The following POLA2 variants were observed in gnomAD, a reference collection of about 807,000 sequenced individuals.
POLA2 encodes DNA polymerase alpha 2, accessory subunit.
A neutral mutation model predicts 82.8 loss-of-function variants in POLA2; 47 were observed. The ratio of observed to expected loss-of-function variants is 0.57; its 90% CI spans 0.45 to 0.72. The LOEUF is 0.72. POLA2 is among the 30% of genes least tolerant of loss of function. The pLI is 0.00. For missense variants in POLA2, 634 were observed against 728.1 expected (o/e 0.87, Z 1.49); for synonymous variants, 287 against 286.8 (o/e 1.00, Z -0.01).
intron 1 of POLA2, among the ~76,000 whole-genome samples, chr11:65,263,765 T>G (rs1420560875): frequency 6.7e-6 from 1 of 149,152 alleles, no homozygotes; most frequent in African/African-American, 2.5e-5. Flanking sequence ...AGGCAGAGGT[T>G]GTGGTGAGCC....
At chr11:65,303,567 G>A (rs767639048), downstream of POLA2, among the ~76,000 whole-genome samples, 11 of 152,132 alleles carry the variant, frequency 7.2e-5, no homozygotes, top group East Asian at 9.7e-4. Context: ...ATATACAAAT[G>A]TTTATATGTC....
intron 13 of POLA2, among the ~76,000 whole-genome samples, chr11:65,291,113 G>T (rs73484979): frequency 9.6e-4 from 146 of 152,328 alleles, no homozygotes; most frequent in African/African-American, 3.4e-3. Context: ...CTCCATTCCT[G>T]TCCCTTTTCC....
intron 9 of POLA2, among the ~76,000 whole-genome samples, 164 bp from the exon 10 acceptor site, chr11:65,282,315 G>A (rs1949649752): frequency 1.3e-5 from 2 of 152,094 alleles, no homozygotes; most frequent in African/African-American, 4.8e-5. Flanking sequence ...GGTCCCATCA[G>A]ATCCAGGGAG....
chr11:65,269,242 GGAGGCT>G (rs1314683560), intron 4 of POLA2, among the ~76,000 whole-genome samples: 1 of 152,142 alleles, frequency 6.6e-6, no homozygotes, highest in African/African-American at 2.4e-5. Flanking sequence ...CAGCACTTTG[GGAGGCT>G]GAGGCAGGCG....
At chr11:65,268,357 A>ATT (rs905358336) in intron 3 of POLA2, among the ~76,000 whole-genome samples, 1 of 142,454 alleles carries the variant, frequency 7.0e-6, no homozygotes, top group Admixed American at 7.0e-5. Context: ...TATTATTATT[A>ATT]TTTTTTTTTT....
Position 65,295,525 on chromosome 11 carries a change from T to C in POLA2, c.1461-15T>C. The C allele has an allele frequency of 1.2e-6, 2 of 1,611,064 alleles. No homozygotes were observed. The highest frequency in any genetic ancestry group is 1.7e-6 in the Non-Finnish European group (2 of 1,177,292). ...AAAACAGAGTTCTGTTTTCATGCTT[T>C]CTTTTCTTTCCCAGTTCTTCCGGAA... On this transcript the variant is annotated splice_polypyrimidine_tract_variant and intron_variant, in intron 15 of 17. Transcript: ENST00000265465.
At chr11:65,294,680 A>G (rs754568845) in intron 15 of POLA2, 28 bp downstream of exon 15, 6 of 1,469,624 alleles carry the variant, frequency 4.1e-6, no homozygotes, top group African/African-American at 1.4e-5. Flanking sequence ...GGCCCCAAGC[A>G]GGATGACTGG....
At chr11:65,282,330 A>G in intron 9 of POLA2, 149 bp from the exon 10 acceptor site, 1 of 681,538 alleles carries the variant, frequency 1.5e-6, no homozygotes, top group Admixed American at 2.3e-5. Flanking sequence ...AGGGAGCAAG[A>G]CAGAGGCACA....
chr11:65,303,732 G>A (rs1565500274), intron 8 of POLA2, among the ~76,000 whole-genome samples: 1 of 152,074 alleles, frequency 6.6e-6, no homozygotes, highest in Non-Finnish European at 1.5e-5. Flanking sequence ...CACATAGTAG[G>A]CCCACAAAGA....
intron 3 of POLA2, 79 bp from the exon 4 acceptor site, chr11:65,268,593 C>CG: frequency 1.2e-6 from 1 of 833,652 alleles, no homozygotes; most frequent in Non-Finnish European, 2.0e-6. Flanking sequence ...CCGCCCATCT[C>CG]GGCCTCCCAA....
intron 8 of POLA2, chr11:65,305,255 G>A (rs1949880895): frequency 4.8e-6 from 2 of 417,164 alleles, no homozygotes; most frequent in Admixed American, 5.5e-5. Context: ...AAATTCTGCA[G>A]TTCATTCACC....
At chr11:65,279,495 AAT>A (rs1178132317) in intron 6 of POLA2, 41 bp from the exon 7 acceptor site, 12 of 1,282,490 alleles carry the variant, frequency 9.4e-6, no homozygotes, top group Non-Finnish European at 1.2e-5. Context: ...TGGCAAGTGA[AAT>A]GTCTTAAACA....
intron 10 of POLA2, among the ~76,000 whole-genome samples, chr11:65,286,113 T>C (rs1949694988): frequency 6.6e-6 from 1 of 152,182 alleles, no homozygotes; most frequent in African/African-American, 2.4e-5. Flanking sequence ...AGGGTCCTTA[T>C]AAGAGGAATG....
At chr11:65,294,370 C>A in intron 14 of POLA2, 109 bp downstream of exon 14, 1 of 1,010,052 alleles carries the variant, frequency 9.9e-7, no homozygotes, top group Non-Finnish European at 1.6e-6. Context: ...GGTGTGCGTA[C>A]AGCCTGAATC....
chr11:65,301,513 G>A (rs1949859481), downstream of POLA2, among the ~76,000 whole-genome samples: 1 of 152,144 alleles, frequency 6.6e-6, no homozygotes, highest in Non-Finnish European at 1.5e-5. Context: ...TGGAATACTG[G>A]AAGCAGCACT....
intron 4 of POLA2, 69 bp downstream of exon 4, chr11:65,268,798 G>A: frequency 7.7e-6 from 8 of 1,038,324 alleles, no homozygotes; most frequent in Non-Finnish European, 1.1e-5. Flanking sequence ...AACATTTGAA[G>A]ATCTGAGGGA....
At position 65,297,182 on chromosome 11, in the gene POLA2, C is replaced by T. The variant is rs1949820117; in HGVS notation, c.1710C>T (p.Thr570=). Residue 570 remains threonine, a synonymous_variant, in exon 18 of 18, where the codon ACC becomes ACT. Coordinates refer to ENST00000265465, the MANE Select transcript of POLA2 (RefSeq NM_002689.4). ...TTACCAAAGGGCAGGTGGGAGGCAC[C>T]TTCGCCCGACTCTACCTTAGGAGGC... is the stretch of plus-strand genomic sequence containing the variant. ...GRLTKGQVGG[T]FARLYLRRPA... 3.1e-6 allele frequency: 5 copies of T among 1,614,062 alleles called. No homozygotes were observed. Among genetic ancestry groups the T allele is most frequent in the Admixed American group, 1.7e-5 (1 of 60,002 alleles).
Position 65,296,001 on chromosome 11 carries a change from A to G in POLA2, c.1647+11A>G. Reference sequence around the variant, plus strand: ...AGGTACTTCGTGAAGGTAGGTTTGAACTCTGCTTTTTCCCAGAAACACCAG... The same window carrying G: ...AGGTACTTCGTGAAGGTAGGTTTGAGCTCTGCTTTTTCCCAGAAACACCAG... On this transcript the variant is annotated intron_variant, in intron 17 of 17. Coordinates refer to ENST00000265465, the MANE Select transcript of POLA2 (RefSeq NM_002689.4). The G allele has an allele frequency of 6.2e-7, 1 of 1,613,942 alleles. No homozygotes were observed. The highest frequency in any genetic ancestry group is 1.3e-5 in the African/African-American group (1 of 74,972).
At chr11:65,299,157 G>A (rs527439920), downstream of POLA2, among the ~76,000 whole-genome samples, 10 of 152,332 alleles carry the variant, frequency 6.6e-5, no homozygotes, top group East Asian at 1.9e-3. Flanking sequence ...GGCTCTGGGG[G>A]CGTGTCAGTG....
Sources: allele counts gnomAD v4.1 joint callset (sites outside exome capture counted in the v4.1 genomes callset), GRCh38; gene constraint gnomAD v4.1.1; transcripts MANE v1.5; gene names NCBI Gene and HGNC (gene_info 2026-07-23, HGNC 2026-07-21).